Variants in PIEZO2 observed in about 807,000 individuals in gnomAD.
PIEZO2 encodes piezo-type mechanosensitive ion channel component 2.
In PIEZO2, 172 loss-of-function variants were observed where a neutral mutation model predicts 337.3. The observed-to-expected ratio is 0.51, with a 90% CI of 0.45 to 0.58. The LOEUF is 0.58. PIEZO2 is among the 20% of genes least tolerant of loss of function. The probability of loss-of-function intolerance (pLI) is 0.00; values close to 1 mark genes in which losing one functional copy is unlikely to be tolerated. For missense variants in PIEZO2, 3,028 were observed against 3,391.3 expected, an observed-to-expected ratio of 0.89 and a Z score of 2.66; for synonymous variants, 1,251 against 1,228.5, an observed-to-expected ratio of 1.02 and a Z score of -0.38.
chr18:11,073,286 G>C (rs1486284574), intron 1 of PIEZO2, among the ~76,000 whole-genome samples: 1 of 152,120 alleles, frequency 6.6e-6, no homozygotes, highest in Non-Finnish European at 1.5e-5. Flanking sequence ...CTTGAGTGTG[G>C]GCTGTAGCTA....
chr18:10,901,732 C>T (rs1312828217), intron 4 of PIEZO2, among the ~76,000 whole-genome samples: 2 of 152,164 alleles, frequency 1.3e-5, no homozygotes, highest in East Asian at 3.9e-4. Flanking sequence ...AATATGATTA[C>T]TATTATTATT....
Position 10,720,234 on chromosome 18 carries a change from GTA to G in PIEZO2, c.5030-1977_5030-1976del, listed in dbSNP as rs371910207. ...TATATATGAATATATGTGTGTGTGT[GTA>G]TATATATATATATGGAGCCCAGGTA... On this transcript the variant is annotated intron_variant, in intron 36 of 55. Transcript: ENST00000674853. Among the ~76,000 whole-genome samples, 53 of 119,758 alleles carry G rather than the reference GTA, an allele frequency of 4.4e-4. 1 individual carries two copies. The highest frequency in any genetic ancestry group is 8.6e-4 in the East Asian group (3 of 3,506). 78.6% of individuals were successfully genotyped at this position (119,758 alleles called of 152,430 possible).
chr18:10,721,460 A>G lies in PIEZO2; in HGVS notation c.5030-3201T>C, dbSNP rs535121778. On this transcript the variant is annotated intron_variant, in intron 36 of 55. Transcript: ENST00000674853. Reference sequence around the variant, plus strand: ...AGGTTAAGAGTGCTGCCTGTGCACAATAAATAATCTTTATGACACAGAGCA... The same window carrying G: ...AGGTTAAGAGTGCTGCCTGTGCACAGTAAATAATCTTTATGACACAGAGCA... 7.9e-4 allele frequency among the ~76,000 whole-genome samples: 120 copies of G among 152,324 alleles called. No homozygotes were observed. In the Middle Eastern group the frequency reaches 0.017, roughly 22 times the overall value.
rs757354731 is a variant in PIEZO2 at position 11,101,409 on chromosome 18, G to A, written c.65-35187C>T. ...GGAAGTGGTTCCCTTAAAGTTATAGGATAACATAAAAAACCTCTGTTTTCA... is the reference window on the plus strand; with the variant it reads ...GGAAGTGGTTCCCTTAAAGTTATAGAATAACATAAAAAACCTCTGTTTTCA... On this transcript the variant is annotated intron_variant, in intron 1 of 55. Transcript: ENST00000674853. The surrounding 1 kb of genome is among the most constrained non-coding windows in gnomAD (Gnocchi z 4.4). 6.6e-6 allele frequency among the ~76,000 whole-genome samples: 1 copy of A among 152,138 alleles called. No homozygotes were observed. Among genetic ancestry groups the A allele is most frequent in the Non-Finnish European group, 1.5e-5 (1 of 68,034 alleles).
intron 18 of PIEZO2, among the ~76,000 whole-genome samples, chr18:10,777,883 T>C (rs2038844346): frequency 6.6e-6 from 1 of 152,224 alleles, no homozygotes; most frequent in Admixed American, 6.5e-5. Context: ...TATTCACATA[T>C]AGGCACTTGG....
rs1407263373 is a variant in PIEZO2 at position 10,877,881 on chromosome 18, C to G, written c.330-6466G>C. Among the ~76,000 whole-genome samples the G allele has an allele frequency of 6.6e-6, 1 of 152,162 alleles. No individual in the cohort carries two copies. The highest frequency in any genetic ancestry group is 2.4e-5 in the African/African-American group (1 of 41,436). On this transcript the variant is annotated intron_variant, in intron 4 of 55. Transcript: ENST00000674853. The surrounding 1 kb of genome is among the most constrained non-coding windows in gnomAD (Gnocchi z 5.3). The stretch of plus-strand genomic sequence containing the variant: ...TCCCTTATCTCTTGCCATCATTTCC[C>G]TCTACCTCAAATTCCGGCCATACTG...
chr18:10,741,828 T>C (rs554071826), intron 32 of PIEZO2, among the ~76,000 whole-genome samples: 5 of 152,268 alleles, frequency 3.3e-5, no homozygotes, highest in South Asian at 4.1e-4. Context: ...GATAGCAGTA[T>C]ACTGTATATC....
intron 37 of PIEZO2, among the ~76,000 whole-genome samples, chr18:10,717,424 G>T (rs918812726): frequency 5.3e-5 from 8 of 152,214 alleles, no homozygotes; most frequent in Non-Finnish European, 8.8e-5. Context: ...AAGCATTTGT[G>T]TGGGGACATA....
In PIEZO2 at chr18:10,684,628, C is replaced by A. The variant is rs150815285; in HGVS notation, c.7498-2336G>T. Among the ~76,000 whole-genome samples, 728 of 151,910 alleles carry A rather than the reference C, an allele frequency of 4.8e-3. 6 individuals carry two copies. The highest frequency in any genetic ancestry group is 0.017 in the African/African-American group (708 of 41,388). ...TACAGGCACACATCACCACACCCGACTAATTTTTTATATTTTTAGTAGTGA... is the reference window on the plus strand; with the variant it reads ...TACAGGCACACATCACCACACCCGAATAATTTTTTATATTTTTAGTAGTGA... On this transcript the variant is annotated intron_variant, in intron 49 of 55. Transcript: ENST00000674853.
chr18:11,092,925 C>T lies in PIEZO2; in HGVS notation c.65-26703G>A, dbSNP rs959056526. ...TCTCAAAAAATTGGCTTAATATGCACGTAAAGTGTTCTTTTAAATCAAACC... is the reference window on the plus strand; with the variant it reads ...TCTCAAAAAATTGGCTTAATATGCATGTAAAGTGTTCTTTTAAATCAAACC... On this transcript the variant is annotated intron_variant, in intron 1 of 55. Coordinates refer to ENST00000674853, the MANE Select transcript of PIEZO2 (RefSeq NM_001378183.1). This position sits in a 1 kb window ranked among gnomAD's most constrained non-coding sequence, Gnocchi z 4.5. Among the ~76,000 whole-genome samples, 1 of 152,140 alleles carries T rather than the reference C, an allele frequency of 6.6e-6. No individual in the cohort carries two copies. Among genetic ancestry groups the T allele is most frequent in the Non-Finnish European group, 1.5e-5 (1 of 68,034 alleles).
Position 10,731,428 on chromosome 18 carries a change from T to C in PIEZO2, c.5008A>G (p.Arg1670Gly). The C allele has an allele frequency of 6.5e-7, 1 of 1,534,636 alleles. No individual in the cohort carries two copies. The highest frequency in any genetic ancestry group is 8.7e-7 in the Non-Finnish European group (1 of 1,145,672). The change falls in exon 36 of 56, where the codon AGG becomes GGG. Residue 1670 changes from arginine to glycine, a missense_variant. By Grantham distance (125) the Arg-to-Gly change is moderately radical. Transcript: ENST00000674853. ...KRSAREERKRRRKGSKEGPVE... is the reference protein window; with the variant it reads ...KRSAREERKRGRKGSKEGPVE... ...TCACCCTCCTTGGATCCTTTCCGCC[T>C]TCGTTTCCGTTCTTCTCTTGCAGAC...
intron 33 of PIEZO2, 72 bp from the exon 34 acceptor site, chr18:10,736,782 T>C (rs1598416467): frequency 6.9e-7 from 1 of 1,452,526 alleles, no homozygotes; most frequent in South Asian, 1.3e-5. Context: ...TAATGAAATG[T>C]CCCCTAAAGA....
chr18:11,126,987 A>T lies in PIEZO2; in HGVS notation c.64+21538T>A, dbSNP rs768188323. Among the ~76,000 whole-genome samples the T allele has an allele frequency of 2.4e-4, 36 of 152,154 alleles. No individual in the cohort carries two copies. Among genetic ancestry groups the T allele is most frequent in the Non-Finnish European group, 4.6e-4 (31 of 68,022 alleles). Reference sequence around the variant, plus strand: ...TACTACAGGCCAGGCCCTACCCAAGACACTGTGGGTACAGCAGGGAATAAG... The same window carrying T: ...TACTACAGGCCAGGCCCTACCCAAGTCACTGTGGGTACAGCAGGGAATAAG... On this transcript the variant is annotated intron_variant, in intron 1 of 55. Coordinates refer to ENST00000674853, the MANE Select transcript of PIEZO2 (RefSeq NM_001378183.1). This position sits in a 1 kb window ranked among gnomAD's most constrained non-coding sequence, Gnocchi z 4.6.
In PIEZO2 at chr18:11,116,851, G is replaced by A. The variant is rs1313868578; in HGVS notation, c.64+31674C>T. ...CAGCCAGGCACGGTGGCTCACACCT[G>A]TAATCCCAGCACTCTGTGAGGCCAA... On this transcript the variant is annotated intron_variant, in intron 1 of 55. Transcript: ENST00000674853. This position sits in a 1 kb window ranked among gnomAD's most constrained non-coding sequence, Gnocchi z 5.0. Among the ~76,000 whole-genome samples the A allele has an allele frequency of 1.3e-5, 2 of 152,170 alleles. No individual in the cohort carries two copies. The highest frequency in any genetic ancestry group is 6.5e-5 in the Admixed American group (1 of 15,276).
intron 1 of PIEZO2, among the ~76,000 whole-genome samples, chr18:11,122,987 A>G (rs1438756330): frequency 9.2e-6 from 1 of 108,352 alleles, no homozygotes; most frequent in Non-Finnish European, 2.3e-5. Context: ...ATGCATACAT[A>G]TAATGTGCGG....
intron 2 of PIEZO2, among the ~76,000 whole-genome samples, chr18:11,015,911 T>C (rs2036103673): frequency 6.6e-6 from 1 of 152,234 alleles, no homozygotes; most frequent in Non-Finnish European, 1.5e-5. Context: ...ATTTTGAAAA[T>C]GAAAACTTTC....
At chr18:10,825,647 A>G (rs531178146) in intron 7 of PIEZO2, among the ~76,000 whole-genome samples, 148 of 141,852 alleles carry the variant, frequency 1.0e-3, no homozygotes, top group Non-Finnish European at 1.6e-3. Context: ...GCCTCCTGGG[A>G]TCAAGCAATT....
At chr18:10,820,265 C>T (rs191699847) in intron 7 of PIEZO2, among the ~76,000 whole-genome samples, 12 of 151,182 alleles carry the variant, frequency 7.9e-5, no homozygotes. Flanking sequence ...ATACATTTGT[C>T]TATGCCCACA....
chr18:10,729,180 T>C (rs2036664973), intron 36 of PIEZO2, among the ~76,000 whole-genome samples: 1 of 152,094 alleles, frequency 6.6e-6, no homozygotes, highest in Admixed American at 6.6e-5. Flanking sequence ...AGCAATAAAG[T>C]AAGATAAAGT....
Sources: gnomAD v4.1 joint callset for allele counts (sites outside exome capture counted in the v4.1 genomes callset) on GRCh38, gnomAD v4.1.1 for gene constraint, Gnocchi (gnomAD v3.1) non-coding constraint, MANE v1.5 for transcripts, NCBI Gene and HGNC (gene_info 2026-07-23, HGNC 2026-07-21) for gene names.